The following ZNF420 variants were observed in gnomAD, a reference collection of about 807,000 sequenced individuals.
ZNF420 encodes the protein zinc finger protein 420.
A neutral mutation model predicts 44.7 loss-of-function variants in ZNF420; 31 were observed. That is an observed-to-expected ratio of 0.69 (90% CI 0.52 to 0.94). The LOEUF (loss-of-function observed/expected upper bound fraction) is 0.94. ZNF420 is among the 40% of genes least tolerant of loss of function. The probability of loss-of-function intolerance (pLI) is 0.00; values close to 1 mark genes in which losing one functional copy is unlikely to be tolerated. For missense variants in ZNF420, 681 were observed against 827.9 expected (o/e 0.82, Z 2.18); for synonymous variants, 245 against 267.4 (o/e 0.92, Z 0.82).
chr19:37,064,435 G>A (rs1211099586), intron 1 of ZNF420, among the ~76,000 whole-genome samples: 1 of 152,086 alleles, frequency 6.6e-6, no homozygotes, highest in South Asian at 2.1e-4. Context: ...CCTTTAACAG[G>A]TTCCTATCAT....
intron 1 of ZNF420, among the ~76,000 whole-genome samples, chr19:37,045,588 T>C (rs1289714551): frequency 1.3e-5 from 2 of 152,234 alleles, no homozygotes; most frequent in African/African-American, 2.4e-5. Flanking sequence ...GTTTTAGATG[T>C]TGGATCTCTG....
chr19:37,127,001 C>A, intron 4 of ZNF420, 127 bp from the exon 5 acceptor site: 2 of 691,474 alleles, frequency 2.9e-6, no homozygotes, highest in Non-Finnish European at 2.2e-6. Context: ...TATTATATGT[C>A]ATAATAATCA....
chr19:37,103,967 A>ATT (rs58366687), intron 4 of ZNF420, among the ~76,000 whole-genome samples: 34,179 of 144,084 alleles, frequency 0.24, 4,605 homozygotes, highest in Non-Finnish European at 0.32. Flanking sequence ...CTCTTCTCTC[A>ATT]TTTTTTTTTT....
intron 1 of ZNF420, among the ~76,000 whole-genome samples, chr19:37,063,784 C>G (rs1480041903): frequency 6.6e-6 from 1 of 152,072 alleles, no homozygotes; most frequent in Non-Finnish European, 1.5e-5. Flanking sequence ...ATCCAATTAC[C>G]AAAATAAAGA....
chr19:37,128,705 T>C lies in ZNF420; in HGVS notation c.1714T>C (p.Ser572Pro). Residue 572 changes from serine to proline, a missense_variant, in exon 5 of 5, where the codon TCA becomes CCA. Physicochemically the swap from Ser to Pro is moderately conservative, Grantham distance 74. Transcript: ENST00000337995. ...ATGTGGGAAAGCCTTTATTCGTGGT[T>C]CACAGTTGACTCAACATCAGCGAAT... ...KECGKAFIRG[S>P]QLTQHQRIHT... 1 of 1,614,090 alleles carries C rather than the reference T, an allele frequency of 6.2e-7. No individual in the cohort carries two copies. The highest frequency in any genetic ancestry group is 1.1e-5 in the South Asian group (1 of 91,068).
chr19:37,081,388 A>G (rs931646908), intron 2 of ZNF420, among the ~76,000 whole-genome samples: 1 of 152,172 alleles, frequency 6.6e-6, no homozygotes, highest in Non-Finnish European at 1.5e-5. Context: ...GGAGTGTTCT[A>G]TAAATGTCAA....
intron 1 of ZNF420, among the ~76,000 whole-genome samples, chr19:37,019,068 GA>G (rs2074628001): frequency 1.3e-5 from 2 of 152,162 alleles, no homozygotes; most frequent in South Asian, 4.1e-4. Flanking sequence ...GACATCAGTA[GA>G]TTTAAAGGGA....
At chr19:37,016,453 C>G (rs1477360296) in intron 1 of ZNF420, among the ~76,000 whole-genome samples, 2 of 152,228 alleles carry the variant, frequency 1.3e-5, no homozygotes. Flanking sequence ...GGCTTGGACT[C>G]TAGCACAGGC....
chr19:37,060,929 T>G (rs1458123882), intron 1 of ZNF420, among the ~76,000 whole-genome samples: 1 of 152,074 alleles, frequency 6.6e-6, no homozygotes, highest in Non-Finnish European at 1.5e-5. Flanking sequence ...GCGTCAGGGC[T>G]ACCTGGGCGG....
At chr19:37,098,724 T>A (rs1469761066) in intron 4 of ZNF420, among the ~76,000 whole-genome samples, 1 of 152,228 alleles carries the variant, frequency 6.6e-6, no homozygotes, top group African/African-American at 2.4e-5. Flanking sequence ...TCTAGCTATC[T>A]GCAGGCATTC....
At chr19:37,053,709 G>A (rs985185198) in intron 1 of ZNF420, among the ~76,000 whole-genome samples, 2 of 152,136 alleles carry the variant, frequency 1.3e-5, no homozygotes, top group East Asian at 1.9e-4. Flanking sequence ...CTGCCTGATC[G>A]TTCCTCTGAA....
At chr19:37,110,730 A>T (rs1419166305) in intron 4 of ZNF420, among the ~76,000 whole-genome samples, 1 of 152,200 alleles carries the variant, frequency 6.6e-6, no homozygotes, top group African/African-American at 2.4e-5. Context: ...TCTTTGAGCC[A>T]ATTGATACTG....
intron 1 of ZNF420, among the ~76,000 whole-genome samples, chr19:37,023,691 T>G (rs2074665623): frequency 6.6e-6 from 1 of 152,142 alleles, no homozygotes; most frequent in African/African-American, 2.4e-5. Flanking sequence ...TGTGTTGTTA[T>G]AAAAATACAT....
intron 3 of ZNF420, among the ~76,000 whole-genome samples, chr19:37,089,384 GT>G (rs1213686649): frequency 1.3e-5 from 2 of 152,154 alleles, no homozygotes; most frequent in African/African-American, 4.8e-5. Context: ...CAAAAGTAGA[GT>G]TCCCTGATTT....
At chr19:37,086,098 G>A (rs1429238254) in intron 2 of ZNF420, among the ~76,000 whole-genome samples, 3 of 152,042 alleles carry the variant, frequency 2.0e-5, no homozygotes, top group Middle Eastern at 3.4e-3. Context: ...GAGCCACCGT[G>A]CCCAGCCAGG....
rs1971491145 is a variant in ZNF420, at chr19:37,128,561, C to A, written c.1570C>A (p.Leu524Ile). ...TTCACATCTTTCCCAACATCAAAGA[C>A]TTCACACTGGTGAGAAACCCTATGT... ...QSSHLSQHQR[L>I]HTGEKPYVCN... is the part of the protein sequence containing the mutation. The change falls in exon 5 of 5, where the codon CTT (leucine) becomes ATT (isoleucine). Residue 524 changes from leucine (L) to isoleucine (I), a missense_variant. By Grantham distance (5) the Leu-to-Ile change is conservative. Coordinates refer to ENST00000337995, the MANE Select transcript of ZNF420 (RefSeq NM_144689.5). The A allele has an allele frequency of 6.2e-7, 1 of 1,603,180 alleles. No individual in the cohort carries two copies. The highest frequency in any genetic ancestry group is 1.1e-5 in the South Asian group (1 of 90,394).
At chr19:37,053,324 G>C (rs1170631975) in intron 1 of ZNF420, among the ~76,000 whole-genome samples, 1 of 152,126 alleles carries the variant, frequency 6.6e-6, no homozygotes, top group Non-Finnish European at 1.5e-5. Context: ...CTTTAGCTCA[G>C]AGTAGTTTGA....
In ZNF420 at chr19:37,089,026, T is replaced by C; in HGVS notation, c.-80-13T>C. 8.8e-7 allele frequency: 1 copy of C among 1,133,424 alleles called. No homozygotes were observed. Among genetic ancestry groups the C allele is most frequent in the Non-Finnish European group, 1.3e-6 (1 of 742,578 alleles). 70.2% of individuals were successfully genotyped at this position (1,133,424 alleles called of 1,614,324 possible). ...AAACACCTGGTCTCATGGTTCTGCT[T>C]TCTCCTCCGTAGCTCTGCATTCTCC... On this transcript the variant is annotated splice_polypyrimidine_tract_variant and intron_variant, in intron 2 of 4. Transcript: ENST00000337995.
intron 4 of ZNF420, among the ~76,000 whole-genome samples, chr19:37,095,156 T>A (rs1969371525): frequency 6.6e-6 from 1 of 151,756 alleles, no homozygotes; most frequent in South Asian, 2.1e-4. Flanking sequence ...AAGAAATATC[T>A]TTGTTGATTT....
Sources: allele counts gnomAD v4.1 joint callset (sites outside exome capture counted in the v4.1 genomes callset), GRCh38; gene constraint gnomAD v4.1.1; transcripts MANE v1.5; gene names NCBI Gene and HGNC (gene_info 2026-07-23, HGNC 2026-07-21).